The following ATG16L2 variants were observed in gnomAD, a reference collection of about 807,000 sequenced individuals.
ATG16L2 encodes autophagy related 16 like 2.
In ATG16L2, 77 loss-of-function variants were observed where a neutral mutation model predicts 84.7. That is an observed-to-expected ratio of 0.91 (90% CI 0.76 to 1.10). The LOEUF is 1.10. Among genes scored for constraint, ATG16L2 ranks in the 50% least tolerant of loss-of-function variants. The probability of loss-of-function intolerance (pLI) is 0.00; values close to 1 mark genes in which losing one functional copy is unlikely to be tolerated. For synonymous variants in ATG16L2, 361 were observed against 342.8 expected (o/e 1.05, Z -0.59); for missense variants, 782 against 817.6 (o/e 0.96, Z 0.53).
At chr11:72,828,551 C>A (rs373357084) in intron 15 of ATG16L2, 43 bp downstream of exon 15, 4 of 1,612,284 alleles carry the variant, frequency 2.5e-6, no homozygotes, top group Non-Finnish European at 2.5e-6. Flanking sequence ...TTTGCTGGGA[C>A]AGCTGAGCCT....
At chr11:72,818,240 CAG>C (rs1429614052) in intron 3 of ATG16L2, 2 of 182,766 alleles carry the variant, frequency 1.1e-5, no homozygotes, top group Admixed American at 1.1e-4. Flanking sequence ...AGCGCATTGG[CAG>C]AGTGTGGACG....
Position 72,821,745 on chromosome 11 carries a change from AGGCGCG to A in ATG16L2, c.392+9_392+14del. The A allele has an allele frequency of 6.6e-7, 1 of 1,505,616 alleles. No individual in the cohort carries two copies. Among genetic ancestry groups the A allele is most frequent in the Non-Finnish European group, 8.9e-7 (1 of 1,121,728 alleles). 93.3% of individuals were successfully genotyped at this position (1,505,616 alleles called of 1,614,324 possible). A position where few individuals can be genotyped will look rare whatever the true frequency, so the allele number is the denominator to read the frequency against. ...AGCTGCAGCAGAGGCAAAGCAGGTG[AGGCGCG>A]GGCGGGGGCGGGAGGGACCGCGCCC... On this transcript the variant is annotated splice_donor_5th_base_variant and intron_variant, in intron 4 of 17. Transcript: ENST00000321297.
chr11:72,820,464 A>T (rs1003022110), intron 3 of ATG16L2: 2 of 152,230 alleles, frequency 1.3e-5, no homozygotes, highest in African/African-American at 4.8e-5. Context: ...ACAATAAAAT[A>T]TTGAATGGTA....
chr11:72,822,122 G>A lies in ATG16L2; in HGVS notation c.471G>A (p.Arg157=), dbSNP rs1361858821. 1.3e-6 allele frequency: 2 copies of A among 1,517,028 alleles called. No homozygotes were observed. The highest frequency in any genetic ancestry group is 2.1e-5 in the Admixed American group (1 of 47,234). The allele number at this position is 1,517,028 out of a possible 1,614,324, so 94.0% of individuals were successfully genotyped here. A position where few individuals can be genotyped will look rare whatever the true frequency, so the allele number is the denominator to read the frequency against. ...AQQAQQVEEW[R]AQNAVQRAAY... ...AGGCCCAGCAGGTGGAGGAGTGGCG[G>A]GCGCAGAATGCGGTGCAGCGGGCAG... The change falls in exon 5 of 18, where the codon CGG becomes CGA. Residue 157 remains arginine, a synonymous_variant. Transcript: ENST00000321297. This position sits in a 1 kb window ranked among gnomAD's most constrained non-coding sequence, Gnocchi z 4.2.
chr11:72,823,740 A>G (rs1478869675), intron 7 of ATG16L2: 1 of 491,864 alleles, frequency 2.0e-6, no homozygotes, highest in Non-Finnish European at 4.0e-6. Flanking sequence ...GCCTGGGGGA[A>G]CCTTCAGCGT....
At chr11:72,842,847 G>C (rs763166449) in exon 6 of ATG16L2, 17 of 1,610,008 alleles carry the variant, frequency 1.1e-5, no homozygotes, top group Non-Finnish European at 1.4e-5. Context: ...ACATACTAGG[G>C]AGCAAGAGAA....
chr11:72,816,762 C>A lies in ATG16L2; in HGVS notation c.153C>A (p.Asp51Glu). The A allele has an allele frequency of 6.2e-7, 1 of 1,614,212 alleles. No homozygotes were observed. The highest frequency in any genetic ancestry group is 8.5e-7 in the Non-Finnish European group (1 of 1,180,026). Residue 51 changes from aspartate (D) to glutamate (E), a missense_variant, in exon 2 of 18, where the codon GAC becomes GAA. By Grantham distance (45) the Asp-to-Glu change is conservative. Transcript: ENST00000321297. Reference protein sequence around the residue: ...NHLLEKAELLDKFSKKLQPEP... With the variant: ...NHLLEKAELLEKFSKKLQPEP... ...TCTTAGAGAAGGCTGAGCTGCTGGA[C>A]AAGTTCTCAAAGAAGCTGCAGCCGG... is the stretch of plus-strand genomic sequence containing the variant.
At chr11:72,826,358 G>A (rs1053939955) in intron 11 of ATG16L2, 115 bp downstream of exon 11, 3 of 1,418,444 alleles carry the variant, frequency 2.1e-6, no homozygotes, top group Non-Finnish European at 2.9e-6. Flanking sequence ...CCAGGCCCCT[G>A]GGCTCTTACA....
chr11:72,821,378 C>T, intron 3 of ATG16L2: 1 of 1,225,930 alleles, frequency 8.2e-7, no homozygotes, highest in Non-Finnish European at 1.0e-6. Flanking sequence ...TCAGGCGAGG[C>T]AGTGGAGCGG....
At chr11:72,827,873 C>A (rs1206594850) in intron 14 of ATG16L2, among the ~76,000 whole-genome samples, 2 of 152,194 alleles carry the variant, frequency 1.3e-5, no homozygotes, top group South Asian at 4.1e-4. Flanking sequence ...GCAGAGGTTG[C>A]AGTGAGCCCA....
In ATG16L2 at chr11:72,822,305, C is replaced by CAGGCCCCGCCCCTCCTGAGGAA. The variant is rs1207407151; in HGVS notation, c.644+24_644+45dup. On this transcript the variant is annotated intron_variant, in intron 5 of 17. Transcript: ENST00000321297. The surrounding 1 kb of genome is among the most constrained non-coding windows in gnomAD (Gnocchi z 4.2). ...ACGAGCGCCGGGAGCGGTGAGGGAG[C>CAGGCCCCGCCCCTCCTGAGGAA]AGGCCCCGCCCCTCCTGAGGAAAGG... The CAGGCCCCGCCCCTCCTGAGGAA allele has an allele frequency of 2.4e-5, 36 of 1,515,098 alleles. No individual in the cohort carries two copies. The highest frequency in any genetic ancestry group is 5.0e-5 in the East Asian group (2 of 40,040). 93.9% of individuals were successfully genotyped at this position (1,515,098 alleles called of 1,614,324 possible). A position where few individuals can be genotyped will look rare whatever the true frequency, so the allele number is the denominator to read the frequency against.
chr11:72,821,896 T>A, intron 4 of ATG16L2, 148 bp from the exon 5 acceptor site: 1 of 1,421,048 alleles, frequency 7.0e-7, no homozygotes, highest in South Asian at 1.5e-5. Flanking sequence ...GGCTGGGCTC[T>A]GAGGGCGAAG....
intron 10 of ATG16L2, among the ~76,000 whole-genome samples, chr11:72,825,734 G>T (rs774633244): frequency 6.6e-6 from 1 of 152,108 alleles, no homozygotes; most frequent in African/African-American, 2.4e-5. Flanking sequence ...AGTCTACCAG[G>T]TGACCCTCTT....
chr11:72,822,087 C>T lies in ATG16L2; in HGVS notation c.436C>T (p.Arg146Trp). The part of the protein sequence containing the change: ...EARVAQLREA[R>W]AQQAQQVEEW... ...CCGCGTGGCGCAGCTGCGAGAGGCG[C>T]GGGCGCAGCAGGCCCAGCAGGTGGA... The change falls in exon 5 of 18, where the codon CGG (arginine) becomes TGG (tryptophan). Residue 146 changes from arginine to tryptophan, a missense_variant. Arg to Trp is a moderately radical substitution (Grantham distance 101). Transcript: ENST00000321297. The surrounding 1 kb of genome is among the most constrained non-coding windows in gnomAD (Gnocchi z 4.2). 1.3e-6 allele frequency: 2 copies of T among 1,541,668 alleles called. No individual in the cohort carries two copies. The highest frequency in any genetic ancestry group is 1.7e-6 in the Non-Finnish European group (2 of 1,155,420).
downstream of ATG16L2, among the ~76,000 whole-genome samples, chr11:72,830,652 A>T (rs1860586654): frequency 1.3e-5 from 2 of 152,148 alleles, no homozygotes; most frequent in African/African-American, 4.8e-5. Flanking sequence ...GTGACTTTCT[A>T]GGGTGTCGTG....
intron 7 of ATG16L2, chr11:72,823,424 C>G (rs746495358): frequency 7.5e-5 from 23 of 308,498 alleles, no homozygotes; most frequent in Admixed American, 5.6e-4. Flanking sequence ...CTTGTGGGAC[C>G]TGATTGGGGC....
At chr11:72,824,909 G>C in intron 9 of ATG16L2, 67 bp downstream of exon 9, 1 of 1,359,632 alleles carries the variant, frequency 7.4e-7, no homozygotes, top group Non-Finnish European at 1.0e-6. Flanking sequence ...GGGTGGTCTC[G>C]GCACCAGGGG....
chr11:72,825,367 A>C lies in ATG16L2; in HGVS notation c.1062A>C (p.Gly354=), dbSNP rs748847303. The C allele has an allele frequency of 1.1e-4, 181 of 1,613,010 alleles. No individual in the cohort carries two copies. Among genetic ancestry groups the C allele is most frequent in the Non-Finnish European group, 1.4e-4 (165 of 1,179,904 alleles). The change falls in exon 10 of 18, where the codon GGA becomes GGC. Residue 354 remains glycine (G), a synonymous_variant. Transcript: ENST00000321297. ...CCAACAGCAGCCTCCTGGCCACTGG[A>C]GGGGCTGACCGCCTGATCCACCTCT... is the stretch of plus-strand genomic sequence containing the variant. ...FGPNSSLLAT[G]GADRLIHLWN... is the part of the protein sequence containing the mutation.
intron 17 of ATG16L2, 130 bp from the exon 18 acceptor site, chr11:72,829,173 C>T (rs1212453868): frequency 1.7e-6 from 2 of 1,162,418 alleles, no homozygotes; most frequent in South Asian, 1.4e-5. Context: ...GCCCTGTGAG[C>T]TAACTTGACA....
Sources: gnomAD v4.1 joint callset for allele counts (sites outside exome capture counted in the v4.1 genomes callset) on GRCh38, gnomAD v4.1.1 for gene constraint, Gnocchi (gnomAD v3.1) non-coding constraint, MANE v1.5 for transcripts, NCBI Gene and HGNC (gene_info 2026-07-23, HGNC 2026-07-21) for gene names.